The following TCF7L2 variants were observed in gnomAD, a reference collection of about 807,000 sequenced individuals.
TCF7L2 encodes the protein transcription factor 7 like 2, also known as transcription factor 7-like 2.
In TCF7L2, 23 loss-of-function variants were observed where a neutral mutation model predicts 77.9. The observed-to-expected ratio is 0.30, with a 90% CI of 0.21 to 0.42. The LOEUF (loss-of-function observed/expected upper bound fraction) is 0.42. Ranked by LOEUF, TCF7L2 falls within the 10% of genes least tolerant of loss-of-function variation. TCF7L2 has a pLI of 1.00. For synonymous variants in TCF7L2, 413 were observed against 340.2 expected (o/e 1.21, Z -2.36); for missense variants, 654 against 793.1 (o/e 0.82, Z 2.11).
At chr10:113,023,506 C>G (rs2099012496) in intron 4 of TCF7L2, among the ~76,000 whole-genome samples, 1 of 152,300 alleles carries the variant, frequency 6.6e-6, no homozygotes, top group East Asian at 1.9e-4. Flanking sequence ...GAGTCTCCCT[C>G]TGTCACCCAA....
intron 5 of TCF7L2, among the ~76,000 whole-genome samples, chr10:113,061,376 T>C (rs2056414629): frequency 6.6e-6 from 1 of 152,174 alleles, no homozygotes; most frequent in African/African-American, 2.4e-5. Context: ...ATCCTTCACT[T>C]GGGGTGCTCA....
chr10:113,098,472 C>T (rs1049497638), intron 5 of TCF7L2, among the ~76,000 whole-genome samples: 2 of 151,950 alleles, frequency 1.3e-5, no homozygotes, highest in African/African-American at 4.8e-5. Flanking sequence ...TTTGGGAGGC[C>T]GAGGCAGATG....
At chr10:113,084,123 G>T (rs2059588331) in intron 5 of TCF7L2, among the ~76,000 whole-genome samples, 2 of 152,164 alleles carry the variant, frequency 1.3e-5, no homozygotes, top group Non-Finnish European at 2.9e-5. Context: ...ATTTGTCAGG[G>T]TTCTCCAGAG....
intron 4 of TCF7L2, among the ~76,000 whole-genome samples, chr10:112,973,795 T>C (rs975684447): frequency 6.6e-6 from 1 of 152,130 alleles, no homozygotes; most frequent in African/African-American, 2.4e-5. Flanking sequence ...TTCACCATGT[T>C]GGCCAGGCTG....
At chr10:113,010,000 C>T (rs761551607) in intron 4 of TCF7L2, among the ~76,000 whole-genome samples, 6 of 151,798 alleles carry the variant, frequency 4.0e-5, no homozygotes, top group Non-Finnish European at 7.4e-5. Context: ...GTGTCACCCA[C>T]GGGCTCCTAT....
At chr10:113,052,532 A>C (rs2134603433) in intron 5 of TCF7L2, among the ~76,000 whole-genome samples, 1 of 152,342 alleles carries the variant, frequency 6.6e-6, no homozygotes, top group East Asian at 1.9e-4. Flanking sequence ...AAATGAAATT[A>C]TGGGAGAAAG....
intron 4 of TCF7L2, among the ~76,000 whole-genome samples, chr10:113,013,298 T>C (rs1008138246): frequency 1.3e-5 from 2 of 152,130 alleles, no homozygotes; most frequent in Non-Finnish European, 2.9e-5. Context: ...TTTGTCTTTT[T>C]AGTAGAGATG....
At chr10:112,965,744 A>T (rs533471969) in intron 4 of TCF7L2, among the ~76,000 whole-genome samples, 24 of 151,980 alleles carry the variant, frequency 1.6e-4, no homozygotes, top group Admixed American at 7.9e-4. Flanking sequence ...ATCTTCCTTG[A>T]TAAGACTTCC....
Position 113,029,524 on chromosome 10 carries a change from CTT to C in TCF7L2, c.451-10483_451-10482del, listed in dbSNP as rs35839723. Among the ~76,000 whole-genome samples, 86 of 130,176 alleles carry C rather than the reference CTT, an allele frequency of 6.6e-4. No homozygotes were observed. In the South Asian group the frequency reaches 0.019, roughly 30 times the overall value. 85.4% of individuals were successfully genotyped at this position (130,176 alleles called of 152,430 possible). On this transcript the variant is annotated intron_variant, in intron 4 of 13. Coordinates refer to ENST00000627217, the MANE Select transcript of TCF7L2 (RefSeq NM_001146274.2). ...GTGACTCTGTCTTCTCTCCATTCCT[CTT>C]TTTTTTTTTTTTTTTTTGAGATGGA...
intron 5 of TCF7L2, among the ~76,000 whole-genome samples, chr10:113,044,302 G>A (rs1375767696): frequency 1.3e-5 from 2 of 152,222 alleles, no homozygotes; most frequent in Non-Finnish European, 2.9e-5. Flanking sequence ...TCTACCCTGT[G>A]CATTTTCGAG....
rs768373644 is a variant in TCF7L2 at position 113,165,921 on chromosome 10, G to A, written c.1758G>A (p.Leu586=). ...CTTCCTTACATTCCCACAGCTCCCTGGCCGGGACCCAGCCCCAGCCGCTGT... is the reference window on the plus strand; with the variant it reads ...CTTCCTTACATTCCCACAGCTCCCTAGCCGGGACCCAGCCCCAGCCGCTGT... The change falls in exon 14 of 14, where the codon CTG becomes CTA. Residue 586 remains leucine, a synonymous_variant. Coordinates refer to ENST00000627217, the MANE Select transcript of TCF7L2 (RefSeq NM_001146274.2). 1.3e-6 allele frequency: 2 copies of A among 1,570,582 alleles called. No individual in the cohort carries two copies. Among genetic ancestry groups the A allele is most frequent in the Non-Finnish European group, 1.7e-6 (2 of 1,156,220 alleles).
intron 4 of TCF7L2, among the ~76,000 whole-genome samples, chr10:113,029,063 C>T (rs899234700): frequency 6.6e-6 from 1 of 152,120 alleles, no homozygotes; most frequent in Non-Finnish European, 1.5e-5. Flanking sequence ...GTTTATCCTT[C>T]AAGGTTGAAT....
chr10:112,961,828 TG>T (rs1189441089), intron 3 of TCF7L2, among the ~76,000 whole-genome samples: 1 of 20,042 alleles, frequency 5.0e-5, no homozygotes, highest in Non-Finnish European at 9.2e-5. Context: ...GTTACGTGGC[TG>T]GGGGGTGGGG....
Position 113,157,797 on chromosome 10 carries a change from A to G in TCF7L2, c.1270-224A>G, listed in dbSNP as rs577394091. On this transcript the variant is annotated intron_variant, in intron 11 of 13. Transcript: ENST00000627217. ...TGAGAGCTTCCCTTCACCACCCGCC[A>G]ATCCCTTCTCTGCTCCCAAGAAGCG... 3 of 501,650 alleles carry G rather than the reference A, an allele frequency of 6.0e-6. No homozygotes were observed. In the Admixed American group the frequency reaches 1.0e-4, roughly 17 times the overall value. 31.1% of individuals were successfully genotyped at this position (501,650 alleles called of 1,614,324 possible). A position where few individuals can be genotyped will look rare whatever the true frequency, so the allele number is the denominator to read the frequency against.
chr10:113,066,129 G>A (rs1387558609), intron 5 of TCF7L2, among the ~76,000 whole-genome samples: 7 of 152,144 alleles, frequency 4.6e-5, no homozygotes, highest in African/African-American at 1.7e-4. Flanking sequence ...TTGGGAGGCC[G>A]AGGAGGGCGG....
At chr10:113,162,451 C>A (rs2073314384) in intron 13 of TCF7L2, among the ~76,000 whole-genome samples, 1 of 152,080 alleles carries the variant, frequency 6.6e-6, no homozygotes, top group Non-Finnish European at 1.5e-5. Flanking sequence ...CTTTAGCTTA[C>A]ACCTTGCTTA....
intron 4 of TCF7L2, among the ~76,000 whole-genome samples, chr10:112,984,005 C>T (rs1005015652): frequency 1.7e-4 from 26 of 152,276 alleles, no homozygotes; most frequent in Middle Eastern, 3.4e-3. Flanking sequence ...TGAAAACAAC[C>T]GTTGTTTTCT....
intron 13 of TCF7L2, 110 bp from the exon 15 acceptor site, chr10:113,165,445 C>T: frequency 8.0e-7 from 1 of 1,253,084 alleles, no homozygotes; most frequent in Non-Finnish European, 1.1e-6. Context: ...GGCGTGCCAC[C>T]TCTGTGGGAC....
chr10:113,086,802 A>C (rs114778504), intron 5 of TCF7L2, among the ~76,000 whole-genome samples: 2,455 of 152,266 alleles, frequency 0.016, 76 homozygotes, highest in African/African-American at 0.055. Context: ...CATGATATAA[A>C]AAGATTCTGT....
Sources: gnomAD v4.1 joint callset for allele counts (sites outside exome capture counted in the v4.1 genomes callset) on GRCh38, gnomAD v4.1.1 for gene constraint, MANE v1.5 for transcripts, NCBI Gene and HGNC (gene_info 2026-07-23, HGNC 2026-07-21) for gene names.